Variants in CNTNAP5 observed in about 807,000 individuals in gnomAD.
CNTNAP5 encodes contactin associated protein family member 5.
In CNTNAP5, 72 loss-of-function variants were observed where a neutral mutation model predicts 150.2. The observed-to-expected ratio is 0.48, with a 90% CI of 0.40 to 0.58. The LOEUF (loss-of-function observed/expected upper bound fraction) is 0.58. Ranked by LOEUF, CNTNAP5 falls within the 20% of genes least tolerant of loss-of-function variation. The pLI, the probability that CNTNAP5 is intolerant of heterozygous loss-of-function variation, is 0.00. For synonymous variants in CNTNAP5, 672 were observed against 619.8 expected, an observed-to-expected ratio of 1.08 and a Z score of -1.25; for missense variants, 1,636 against 1,626.2, an observed-to-expected ratio of 1.01 and a Z score of -0.10.
intron 13 of CNTNAP5, among the ~76,000 whole-genome samples, chr2:124,711,296 A>T (rs1679802460): frequency 6.6e-6 from 1 of 151,970 alleles, no homozygotes; most frequent in Non-Finnish European, 1.5e-5. Flanking sequence ...TAATAATAAA[A>T]TTAAAAAAAT....
At chr2:124,854,173 A>C (rs1573662647) in intron 19 of CNTNAP5, among the ~76,000 whole-genome samples, 1 of 152,280 alleles carries the variant, frequency 6.6e-6, no homozygotes, top group Non-Finnish European at 1.5e-5. Flanking sequence ...AATTCACAAA[A>C]CATGTATTCC....
intron 7 of CNTNAP5, among the ~76,000 whole-genome samples, chr2:124,495,496 C>T (rs1043605362): frequency 6.6e-6 from 1 of 152,196 alleles, no homozygotes; most frequent in South Asian, 2.1e-4. Flanking sequence ...TTTACTGGTG[C>T]CTGTGCATAG....
intron 4 of CNTNAP5, among the ~76,000 whole-genome samples, chr2:124,426,193 C>T (rs996814029): frequency 5.3e-5 from 8 of 152,036 alleles, no homozygotes; most frequent in African/African-American, 1.9e-4. Context: ...TCTTGAAACG[C>T]ATCCTGTTTT....
Position 124,609,852 on chromosome 2 carries a change from G to A in CNTNAP5, c.1808G>A (p.Gly603Asp). 2.5e-6 allele frequency: 4 copies of A among 1,613,966 alleles called. No homozygotes were observed. Among genetic ancestry groups the A allele is most frequent in the South Asian group, 1.1e-5 (1 of 91,078 alleles). The change falls in exon 12 of 24, where the codon GGC becomes GAC. Residue 603 changes from glycine to aspartate, a missense_variant. Physicochemically the swap from Gly to Asp is moderately conservative, Grantham distance 94. Coordinates refer to ENST00000682447, the MANE Select transcript of CNTNAP5 (RefSeq NM_001367498.1). The stretch of plus-strand genomic sequence containing the variant: ...TACAGGCACCAGGGGAATACAGCCG[G>A]CTTCTTCTACATCGACTCAGATGGC... ...EVYRHQGNTA[G>D]FFYIDSDGSG...
At chr2:124,197,012 T>C (rs1047720989) in intron 1 of CNTNAP5, among the ~76,000 whole-genome samples, 3 of 152,260 alleles carry the variant, frequency 2.0e-5, no homozygotes, top group Non-Finnish European at 4.4e-5. Flanking sequence ...CTAAGGTTCC[T>C]ACATCATACC....
At chr2:124,840,991 G>A (rs943015653) in intron 19 of CNTNAP5, among the ~76,000 whole-genome samples, 3 of 151,994 alleles carry the variant, frequency 2.0e-5, no homozygotes, top group Non-Finnish European at 4.4e-5. Context: ...TTTTTTGAAT[G>A]CATATTGAGT....
chr2:124,373,675 A>G (rs748582675), intron 3 of CNTNAP5, among the ~76,000 whole-genome samples: 5 of 152,092 alleles, frequency 3.3e-5, no homozygotes, highest in Non-Finnish European at 7.4e-5. Context: ...ACAAAAACCC[A>G]CTTTCAATTA....
intron 8 of CNTNAP5, among the ~76,000 whole-genome samples, chr2:124,509,895 G>T (rs1441507366): frequency 1.3e-5 from 2 of 152,108 alleles, no homozygotes; most frequent in Non-Finnish European, 2.9e-5. Flanking sequence ...GAAGTCTGTT[G>T]TCTTTATAAA....
At chr2:124,427,443 TG>T (rs1157302727) in intron 4 of CNTNAP5, among the ~76,000 whole-genome samples, 2 of 152,022 alleles carry the variant, frequency 1.3e-5, no homozygotes, top group Non-Finnish European at 2.9e-5. Flanking sequence ...TATTTTATTT[TG>T]TTTTTTTATT....
At chr2:124,335,796 T>C (rs1219154376) in intron 3 of CNTNAP5, among the ~76,000 whole-genome samples, 1 of 151,932 alleles carries the variant, frequency 6.6e-6, no homozygotes, top group Non-Finnish European at 1.5e-5. Flanking sequence ...TAGTTTCAAG[T>C]GGATCACGAT....
chr2:124,692,456 C>CTG (rs1679318496), intron 13 of CNTNAP5, among the ~76,000 whole-genome samples: 1 of 152,084 alleles, frequency 6.6e-6, no homozygotes, highest in African/African-American at 2.4e-5. Flanking sequence ...TGTATGGACT[C>CTG]TGTTTTAAGG....
At chr2:124,152,250 A>G (rs1393435984) in intron 1 of CNTNAP5, among the ~76,000 whole-genome samples, 4 of 152,204 alleles carry the variant, frequency 2.6e-5, no homozygotes, top group African/African-American at 4.8e-5. Flanking sequence ...GTGAAGCAAC[A>G]CAAAAACTGA....
At chr2:124,202,713 A>G (rs1685758477) in intron 1 of CNTNAP5, among the ~76,000 whole-genome samples, 2 of 152,206 alleles carry the variant, frequency 1.3e-5, no homozygotes, top group Non-Finnish European at 1.5e-5. Flanking sequence ...CTCAGGCAAG[A>G]GAGTGTTTGC....
At chr2:124,876,133 T>C (rs775165786) in intron 21 of CNTNAP5, among the ~76,000 whole-genome samples, 3 of 152,082 alleles carry the variant, frequency 2.0e-5, no homozygotes, top group Non-Finnish European at 4.4e-5. Context: ...CAGTTCAACA[T>C]TCCATGTGGA....
chr2:124,504,704 T>A, intron 8 of CNTNAP5, 148 bp downstream of exon 8: 2 of 63,722 alleles, frequency 3.1e-5, no homozygotes, highest in Non-Finnish European at 2.7e-5. Context: ...AGAGGCAGCA[T>A]TTTTTTTTTT....
At chr2:124,349,874 CTTTT>C (rs70996061) in intron 3 of CNTNAP5, among the ~76,000 whole-genome samples, 19 of 81,830 alleles carry the variant, frequency 2.3e-4, no homozygotes, top group African/African-American at 9.1e-4. Context: ...CTGGCTATTT[CTTTT>C]TTTTTTTTTT....
At chr2:124,047,044 C>CTTGAT (rs1681557564) in intron 1 of CNTNAP5, among the ~76,000 whole-genome samples, 1 of 152,160 alleles carries the variant, frequency 6.6e-6, no homozygotes, top group African/African-American at 2.4e-5. Context: ...GTATCAATCA[C>CTTGAT]AGCCTAAGAA....
At chr2:124,172,298 C>A (rs940813064) in intron 1 of CNTNAP5, among the ~76,000 whole-genome samples, 1 of 152,044 alleles carries the variant, frequency 6.6e-6, no homozygotes. Context: ...AAAAGTGAGA[C>A]GTGCTCAGTT....
chr2:124,826,909 A>C (rs7570689), intron 19 of CNTNAP5, among the ~76,000 whole-genome samples: 1 of 151,788 alleles, frequency 6.6e-6, no homozygotes, highest in African/African-American at 2.4e-5. Context: ...TATCTACGAA[A>C]ATTTTTTTCT....
Sources: gnomAD v4.1 joint callset for allele counts (sites outside exome capture counted in the v4.1 genomes callset) on GRCh38, gnomAD v4.1.1 for gene constraint, MANE v1.5 for transcripts, NCBI Gene and HGNC (gene_info 2026-07-23, HGNC 2026-07-21) for gene names.